GRIP1: variants seen among roughly 807,000 people sequenced by gnomAD.
GRIP1 encodes glutamate receptor interacting protein 1, also known as glutamate receptor-interacting protein 1.
GRIP1 carries 45 observed loss-of-function variants against 129.9 expected under a neutral mutation model. The ratio of observed to expected loss-of-function variants is 0.35; its 90% CI spans 0.27 to 0.44. The LOEUF is 0.44. Among genes scored for constraint, GRIP1 ranks in the 20% least tolerant of loss-of-function variants. The pLI, the probability that GRIP1 is intolerant of heterozygous loss-of-function variation, is 1.00. For missense variants in GRIP1, 1,196 were observed against 1,396.8 expected, an observed-to-expected ratio of 0.86 and a Z score of 2.29; for synonymous variants, 530 against 520.8, an observed-to-expected ratio of 1.02 and a Z score of -0.24.
intron 1 of GRIP1, among the ~76,000 whole-genome samples, chr12:66,875,254 C>T (rs2701289): frequency 0.9 from 136,228 of 152,056 alleles, 62,994 homozygotes; most frequent in East Asian, 1. Flanking sequence ...TCAGTTTCTT[C>T]AGGAAATAAT....
chr12:66,804,131 C>T (rs1184194439), exon 1 of GRIP1: 2 of 455,764 alleles, frequency 4.4e-6, no homozygotes, highest in African/African-American at 4.0e-5. Context: ...TACTTTTTCC[C>T]CTTTCTTCTC....
At chr12:66,575,557 T>C (rs1005338089) in intron 2 of GRIP1, among the ~76,000 whole-genome samples, 1 of 152,198 alleles carries the variant, frequency 6.6e-6, no homozygotes, top group Non-Finnish European at 1.5e-5. Flanking sequence ...GAAGAAGAGT[T>C]CTTGCCACCA....
At chr12:66,395,301 G>A (rs2056747159) in intron 16 of GRIP1, among the ~76,000 whole-genome samples, 1 of 152,186 alleles carries the variant, frequency 6.6e-6, no homozygotes, top group African/African-American at 2.4e-5. Context: ...TGGGAGCTGT[G>A]AATGGTTAAG....
intron 15 of GRIP1, among the ~76,000 whole-genome samples, chr12:66,410,573 G>A (rs576327117): frequency 6.6e-6 from 1 of 152,056 alleles, no homozygotes; most frequent in East Asian, 1.9e-4. Context: ...AACCCAGGAG[G>A]CAGAGGTTAC....
At chr12:67,007,814 C>T (rs1389509092) in intron 1 of GRIP1, among the ~76,000 whole-genome samples, 4 of 152,132 alleles carry the variant, frequency 2.6e-5, no homozygotes, top group African/African-American at 9.7e-5. Context: ...ATACTATCAA[C>T]TTGCGGGAAT....
chr12:66,853,476 A>AG (rs139869654), intron 1 of GRIP1, among the ~76,000 whole-genome samples: 3,396 of 152,092 alleles, frequency 0.022, 132 homozygotes, highest in African/African-American at 0.076. Flanking sequence ...CAAAAGCTCA[A>AG]GTATCTGAGG....
chr12:66,392,594 A>T, intron 18 of GRIP1, 83 bp downstream of exon 18: 1 of 1,585,978 alleles, frequency 6.3e-7, no homozygotes, highest in Non-Finnish European at 8.7e-7. Flanking sequence ...TTTCCCTAGA[A>T]TTACACACAG....
intron 1 of GRIP1, among the ~76,000 whole-genome samples, chr12:66,896,826 G>A (rs948969135): frequency 6.6e-6 from 1 of 152,214 alleles, no homozygotes; most frequent in Admixed American, 6.5e-5. Flanking sequence ...CAAGAATTAA[G>A]AAGATAGCTT....
intron 1 of GRIP1, among the ~76,000 whole-genome samples, chr12:66,825,266 T>C (rs2039389833): frequency 6.6e-6 from 1 of 152,132 alleles, no homozygotes; most frequent in South Asian, 2.1e-4. Context: ...GCCATAAAAA[T>C]TTTTGCTTCG....
chr12:66,394,933 G>A (rs1259795288), intron 16 of GRIP1, among the ~76,000 whole-genome samples: 1 of 152,176 alleles, frequency 6.6e-6, no homozygotes, highest in African/African-American at 2.4e-5. Flanking sequence ...TCATTCCACT[G>A]ACTGTCTTCT....
chr12:66,741,818 T>A (rs77699610), intron 1 of GRIP1, among the ~76,000 whole-genome samples: 4,544 of 152,290 alleles, frequency 0.03, 153 homozygotes, highest in African/African-American at 0.076. Context: ...TAGGACAGAC[T>A]AGACCATCAC....
chr12:66,768,255 C>T (rs1351156668), intron 1 of GRIP1, among the ~76,000 whole-genome samples: 2 of 152,200 alleles, frequency 1.3e-5, no homozygotes, highest in African/African-American at 4.8e-5. Flanking sequence ...CTGGTACTTT[C>T]TGATGAACTT....
At chr12:66,761,099 T>C (rs2037460485) in intron 1 of GRIP1, among the ~76,000 whole-genome samples, 1 of 151,944 alleles carries the variant, frequency 6.6e-6, no homozygotes, top group African/African-American at 2.4e-5. Flanking sequence ...CAATCAGACA[T>C]TTACTTCTAT....
intron 1 of GRIP1, among the ~76,000 whole-genome samples, chr12:67,032,757 A>G (rs777014990): frequency 6.6e-6 from 1 of 152,202 alleles, no homozygotes; most frequent in Non-Finnish European, 1.5e-5. Flanking sequence ...TGAAAAGCAC[A>G]GATCTCAATC....
chr12:66,969,608 G>T (rs112064780), intron 1 of GRIP1, among the ~76,000 whole-genome samples: 4 of 151,958 alleles, frequency 2.6e-5, no homozygotes, highest in African/African-American at 9.7e-5. Context: ...TTAGAAACAG[G>T]GTCTCACTAT....
At chr12:67,028,386 T>C (rs1446436195) in intron 1 of GRIP1, among the ~76,000 whole-genome samples, 1 of 152,220 alleles carries the variant, frequency 6.6e-6, no homozygotes, top group Non-Finnish European at 1.5e-5. Context: ...GACTTTTAAA[T>C]AGATGTATTT....
At chr12:66,651,673 G>C (rs2032803893) in intron 1 of GRIP1, among the ~76,000 whole-genome samples, 2 of 152,030 alleles carry the variant, frequency 1.3e-5, no homozygotes, top group Admixed American at 1.3e-4. Context: ...CGGCACACTG[G>C]CAACATGTTA....
At chr12:66,582,742 C>T (rs1409883027) in intron 2 of GRIP1, among the ~76,000 whole-genome samples, 1 of 145,398 alleles carries the variant, frequency 6.9e-6, no homozygotes, top group Non-Finnish European at 1.5e-5. Context: ...AACCACTGCT[C>T]AATGAAATAA....
At chr12:66,834,164 C>T (rs962006888) in intron 1 of GRIP1, among the ~76,000 whole-genome samples, 12 of 109,262 alleles carry the variant, frequency 1.1e-4, no homozygotes, top group Non-Finnish European at 1.9e-4. Context: ...TGCAACACAG[C>T]GAGACTTCAT....
Sources: gnomAD v4.1 joint callset for allele counts (sites outside exome capture counted in the v4.1 genomes callset) on GRCh38, gnomAD v4.1.1 for gene constraint, MANE v1.5 for transcripts, NCBI Gene and HGNC (gene_info 2026-07-23, HGNC 2026-07-21) for gene names.